The following HELZ variants were observed in gnomAD, a reference collection of about 807,000 sequenced individuals.
HELZ encodes the protein helicase with zinc finger, also known as ATP-dependent RNA helicase with zinc finger domain.
Under a neutral mutation model 218.2 loss-of-function variants are expected in HELZ, and 23 were observed. That is an observed-to-expected ratio of 0.11 (90% CI 0.08 to 0.15). The LOEUF (loss-of-function observed/expected upper bound fraction) is 0.15, where lower values mean the gene tolerates loss of function less well. Ranked by LOEUF, HELZ falls within the 10% of genes least tolerant of loss-of-function variation. The pLI, the probability that HELZ is intolerant of heterozygous loss-of-function variation, is 1.00. For synonymous variants in HELZ, 814 were observed against 829.4 expected, an observed-to-expected ratio of 0.98 and a Z score of 0.32; for missense variants, 1,813 against 2,353.7, an observed-to-expected ratio of 0.77 and a Z score of 4.75.
At chr17:67,092,893 G>GC (rs1555596436) in intron 31 of HELZ, among the ~76,000 whole-genome samples, 2 of 44,444 alleles carry the variant, frequency 4.5e-5, no homozygotes, top group Non-Finnish European at 1.4e-4. Flanking sequence ...TGAAACCGGC[G>GC]GGGGGGGGAA....
At chr17:67,109,792 C>G in intron 28 of HELZ, 106 bp from the exon 29 acceptor site, 2 of 768,166 alleles carry the variant, frequency 2.6e-6, no homozygotes, top group Non-Finnish European at 4.1e-6. Flanking sequence ...ACATTGATAT[C>G]TTCCAGCAGG....
In HELZ at chr17:67,081,839, A is replaced by G. The variant is rs73997333; in HGVS notation, c.5495-3253T>C. ...GGGTGCAGGTACAGACAGAGAGGGA[A>G]AGTGAGACCTTTAGCTAGATTACTT... On this transcript the variant is annotated intron_variant, in intron 32 of 32. Coordinates refer to ENST00000358691, the MANE Select transcript of HELZ (RefSeq NM_014877.4). 4.6e-3 allele frequency among the ~76,000 whole-genome samples: 702 copies of G among 152,294 alleles called. 8 individuals carry two copies. Among genetic ancestry groups the G allele is most frequent in the African/African-American group, 0.016 (680 of 41,574 alleles).
chr17:67,182,459 G>C (rs2039641278), intron 12 of HELZ, among the ~76,000 whole-genome samples: 1 of 151,954 alleles, frequency 6.6e-6, no homozygotes, highest in South Asian at 2.1e-4. Context: ...AAAACAGAAA[G>C]ATGAGAAGTG....
chr17:67,079,289 G>A (rs748571315), intron 32 of HELZ, among the ~76,000 whole-genome samples: 2 of 152,104 alleles, frequency 1.3e-5, no homozygotes, highest in Non-Finnish European at 2.9e-5. Flanking sequence ...GAGGACAATT[G>A]GAAAATTTCA....
In HELZ at chr17:67,073,988, G is replaced by C. The variant is rs2035955664; in HGVS notation, c.*4264C>G. 6.6e-6 allele frequency: 1 copy of C among 152,084 alleles called. No homozygotes were observed. Among genetic ancestry groups the C allele is most frequent in the Non-Finnish European group, 1.5e-5 (1 of 68,008 alleles). The allele number at this position is 152,084 out of a possible 1,614,324, so 9.4% of individuals were successfully genotyped here. On this transcript the variant is annotated 3_prime_UTR_variant, in exon 33 of 33. Coordinates refer to ENST00000358691, the MANE Select transcript of HELZ (RefSeq NM_014877.4). ...GAGATGGTGTCTTTGTAAGTGATTG[G>C]CACCACTACGTGATATTTTGAACAA...
Position 67,108,810 on chromosome 17 carries a change from CACAAAG to C in HELZ, c.4490-90_4490-85del. 1 of 1,087,028 alleles carries C rather than the reference CACAAAG, an allele frequency of 9.2e-7. No individual in the cohort carries two copies. Among genetic ancestry groups the C allele is most frequent in the South Asian group, 1.7e-5 (1 of 60,188 alleles). 67.3% of individuals were successfully genotyped at this position (1,087,028 alleles called of 1,614,324 possible). A position where few individuals can be genotyped will look rare whatever the true frequency, so the allele number is the denominator to read the frequency against. On this transcript the variant is annotated intron_variant, in intron 29 of 32. Transcript: ENST00000358691. The surrounding 1 kb of genome is among the most constrained non-coding windows in gnomAD (Gnocchi z 4.1). ...AAGTTTTTTACTAACATATTTTCTC[CACAAAG>C]ACAAAGGACGTAGCTACAAATTTGG...
At chr17:67,156,879 G>A (rs1339195488) in intron 17 of HELZ, among the ~76,000 whole-genome samples, 1 of 152,144 alleles carries the variant, frequency 6.6e-6, no homozygotes, top group Non-Finnish European at 1.5e-5. Flanking sequence ...ATCTCACGTT[G>A]AAATGTAATC....
chr17:67,173,232 A>C (rs990830241), intron 13 of HELZ: 2 of 158,142 alleles, frequency 1.3e-5, no homozygotes, highest in African/African-American at 4.8e-5. Context: ...TAACAGGCTA[A>C]AACTAAAATT....
At chr17:67,237,293 A>C (rs1233293150) in intron 3 of HELZ, among the ~76,000 whole-genome samples, 1 of 152,162 alleles carries the variant, frequency 6.6e-6, no homozygotes, top group Non-Finnish European at 1.5e-5. Flanking sequence ...TCGAAAAAAA[A>C]CAATTTTTTT....
chr17:67,121,847 C>T (rs1472948716), intron 26 of HELZ, among the ~76,000 whole-genome samples: 1 of 152,130 alleles, frequency 6.6e-6, no homozygotes, highest in East Asian at 1.9e-4. Context: ...TTTCTCAAAT[C>T]AATTTAGATC....
In HELZ at chr17:67,109,199, G is replaced by A. The variant is rs2037200329; in HGVS notation, c.4406C>T (p.Ala1469Val). The change falls in exon 29 of 33, where the codon GCA (alanine) becomes GTA (valine). Residue 1469 changes from alanine to valine, a missense_variant. Ala to Val is a moderately conservative substitution (Grantham distance 64). This residue lies in a region of HELZ where 938 missense variants were observed against 1,027.5 expected (regional missense o/e 0.91). Transcript: ENST00000358691. Reference sequence around the variant, plus strand: ...TGAAGGAAGAATGGGGCCGGGTTGTGCAATGGCTCTCAGAGGACTGTGGCC... The same window carrying A: ...TGAAGGAAGAATGGGGCCGGGTTGTACAATGGCTCTCAGAGGACTGTGGCC... ...QEGHSPLRAIAQPGPILPSHL... is the reference protein window; with the variant it reads ...QEGHSPLRAIVQPGPILPSHL... 6.2e-7 allele frequency: 1 copy of A among 1,614,182 alleles called. No individual in the cohort carries two copies. Among genetic ancestry groups the A allele is most frequent in the Non-Finnish European group, 8.5e-7 (1 of 1,180,044 alleles).
rs115600303 is a variant in HELZ at position 67,112,405 on chromosome 17, A to G, written c.3918+1919T>C. On this transcript the variant is annotated intron_variant, in intron 28 of 32. Coordinates refer to ENST00000358691, the MANE Select transcript of HELZ (RefSeq NM_014877.4). ...GTTTCGTCCCAAGCTGCCTCTGACTATATGTGCTGCTGGTGCAGGTGCACC... is the reference window on the plus strand; with the variant it reads ...GTTTCGTCCCAAGCTGCCTCTGACTGTATGTGCTGCTGGTGCAGGTGCACC... Among the ~76,000 whole-genome samples the G allele has an allele frequency of 5.8e-3, 885 of 152,288 alleles. 9 individuals carry two copies. Among genetic ancestry groups the G allele is most frequent in the African/African-American group, 0.019 (806 of 41,564 alleles).
chr17:67,079,994 C>A (rs1049536058), intron 32 of HELZ, among the ~76,000 whole-genome samples: 1 of 152,106 alleles, frequency 6.6e-6, no homozygotes, highest in Non-Finnish European at 1.5e-5. Flanking sequence ...ATTTATAATG[C>A]TTCCACTTTG....
chr17:67,088,259 T>C (rs139727534), intron 31 of HELZ, among the ~76,000 whole-genome samples: 1 of 152,334 alleles, frequency 6.6e-6, no homozygotes, highest in African/African-American at 2.4e-5. Context: ...TAGCAAATGA[T>C]AAATCTGCTG....
At chr17:67,209,033 A>AGGGAGGGAGGGAGGGAGGG (rs1555623978) in intron 5 of HELZ, among the ~76,000 whole-genome samples, 1 of 112,486 alleles carries the variant, frequency 8.9e-6, no homozygotes, top group African/African-American at 3.8e-5. Flanking sequence ...GGAAGGGAGG[A>AGGGAGGGAGGGAGGGAGGG]AGGGAGGGAG....
chr17:67,199,744 T>C (rs2040122579), intron 7 of HELZ, among the ~76,000 whole-genome samples: 1 of 152,230 alleles, frequency 6.6e-6, no homozygotes, highest in African/African-American at 2.4e-5. Flanking sequence ...TTGCTGTTTT[T>C]TGGTATGAAC....
rs139924797 is a variant in HELZ at position 67,151,029 on chromosome 17, G to T, written c.2356+17C>A. ...ATAAGCCCTAAACTTGTGAGACTGT[G>T]TCTTGAGTCAGCATACCAGGTTCAA... On this transcript the variant is annotated intron_variant, in intron 18 of 32. Coordinates refer to ENST00000358691, the MANE Select transcript of HELZ (RefSeq NM_014877.4). The T allele has an allele frequency of 6.2e-7, 1 of 1,610,162 alleles. No homozygotes were observed.
At chr17:67,197,666 GAT>G (rs2040067066) in intron 7 of HELZ, among the ~76,000 whole-genome samples, 1 of 152,176 alleles carries the variant, frequency 6.6e-6, no homozygotes, top group Non-Finnish European at 1.5e-5. Context: ...AGTATCCCAA[GAT>G]GAAATCTGGA....
At chr17:67,078,630 C>T (rs2036090102) in intron 32 of HELZ, 44 bp from the exon 33 acceptor site, 4 of 1,350,042 alleles carry the variant, frequency 3.0e-6, no homozygotes, top group Admixed American at 5.4e-5. Context: ...ATGAGCCCAG[C>T]AATGTTCATG....
Sources: allele counts gnomAD v4.1 joint callset (sites outside exome capture counted in the v4.1 genomes callset), GRCh38; gene constraint gnomAD v4.1.1; regional missense constraint gnomAD v4.1.1; non-coding constraint Gnocchi (gnomAD v3.1); transcripts MANE v1.5; gene names NCBI Gene and HGNC (gene_info 2026-07-23, HGNC 2026-07-21).